TLN2: variants seen among roughly 807,000 people sequenced by gnomAD.
TLN2 encodes talin 2, also known as talin-2.
Under a neutral mutation model 294.7 loss-of-function variants are expected in TLN2, and 118 were observed. That is an observed-to-expected ratio of 0.40 (90% CI 0.34 to 0.47). TLN2 has a LOEUF of 0.47. TLN2 is among the 20% of genes least tolerant of loss of function. The probability of loss-of-function intolerance (pLI) is 0.84; values close to 1 mark genes in which losing one functional copy is unlikely to be tolerated. For missense variants in TLN2, 3,083 were observed against 3,282.2 expected, an observed-to-expected ratio of 0.94 and a Z score of 1.48; for synonymous variants, 1,431 against 1,304.5, an observed-to-expected ratio of 1.10 and a Z score of -2.09.
intron 22 of TLN2, among the ~76,000 whole-genome samples, chr15:62,715,570 A>G (rs2059711697): frequency 6.6e-6 from 1 of 152,240 alleles, no homozygotes; most frequent in Non-Finnish European, 1.5e-5. Flanking sequence ...CCATCTAAAT[A>G]AAATCCACTT....
chr15:62,698,728 C>T (rs370118582), intron 15 of TLN2, 26 bp from the exon 16 acceptor site: 18 of 1,591,820 alleles, frequency 1.1e-5, no homozygotes, highest in Middle Eastern at 3.5e-4. Context: ...TGTGGGATGA[C>T]AGCTTTGTTT....
rs191855225 is a variant in TLN2 at position 62,405,986 on chromosome 15, G to C, written c.-238+15301G>C. Among the ~76,000 whole-genome samples the C allele has an allele frequency of 6.4e-4, 98 of 152,270 alleles. 1 individual carries two copies. The highest frequency in any genetic ancestry group is 1.2e-3 in the Non-Finnish European group (85 of 68,026). ...AGAAGTTGTTTAGATGGAGCTTTATGAATGTGCCTGGTGAAGGGCCTAGAG... is the reference window on the plus strand; with the variant it reads ...AGAAGTTGTTTAGATGGAGCTTTATCAATGTGCCTGGTGAAGGGCCTAGAG... On this transcript the variant is annotated intron_variant, in intron 1 of 58. Transcript: ENST00000636159.
intron 51 of TLN2, 35 bp from the exon 52 acceptor site, chr15:62,809,890 C>T: frequency 6.2e-7 from 1 of 1,602,258 alleles, no homozygotes; most frequent in Non-Finnish European, 8.5e-7. Context: ...TGGCTTTTCC[C>T]ATGTTAAGAT....
chr15:62,731,066 A>G (rs1293345758), intron 28 of TLN2, among the ~76,000 whole-genome samples: 1 of 152,006 alleles, frequency 6.6e-6, no homozygotes, highest in Non-Finnish European at 1.5e-5. Context: ...AGCGGTGTCT[A>G]TTCTGCTTTC....
chr15:62,728,727 T>C (rs1474487521), intron 28 of TLN2, among the ~76,000 whole-genome samples: 1 of 152,218 alleles, frequency 6.6e-6, no homozygotes, highest in African/African-American at 2.4e-5. Flanking sequence ...GCCCATTATT[T>C]GAAAATTGGG....
Position 62,833,612 on chromosome 15 carries a change from C to CT in TLN2, c.7112dup (p.Val2372GlyfsTer39). ...ATCGGCCTCAGCAGCCCAGAGGGAGCTGGTGGCCCAAGGAAAGGTGGGTAA... is the reference window on the plus strand; with the variant it reads ...ATCGGCCTCAGCAGCCCAGAGGGAGCTTGGTGGCCCAAGGAAAGGTGGGTAA... On this transcript the variant is annotated frameshift_variant, in exon 55 of 59. Transcript: ENST00000636159. LOFTEE classifies it high-confidence loss of function. 1 of 1,613,988 alleles carries CT rather than the reference C, an allele frequency of 6.2e-7. No homozygotes were observed. The highest frequency in any genetic ancestry group is 1.1e-5 in the South Asian group (1 of 91,042).
intron 53 of TLN2, 87 bp from the exon 54 acceptor site, chr15:62,820,399 C>A: frequency 6.9e-7 from 1 of 1,456,234 alleles, no homozygotes; most frequent in Non-Finnish European, 9.2e-7. Flanking sequence ...AGCCTTCATG[C>A]ATGCAAATCC....
intron 52 of TLN2, among the ~76,000 whole-genome samples, chr15:62,816,728 C>G (rs1168290501): frequency 6.6e-6 from 1 of 152,136 alleles, no homozygotes; most frequent in Non-Finnish European, 1.5e-5. Flanking sequence ...TACCTTTAAC[C>G]CTTTGCTTAT....
intron 9 of TLN2, among the ~76,000 whole-genome samples, chr15:62,660,389 A>G (rs1012408096): frequency 1.3e-5 from 2 of 152,194 alleles, no homozygotes; most frequent in East Asian, 1.9e-4. Flanking sequence ...ATATCCATCT[A>G]CTTTATTGAT....
At chr15:62,729,686 T>C (rs1402790666) in intron 28 of TLN2, among the ~76,000 whole-genome samples, 1 of 152,156 alleles carries the variant, frequency 6.6e-6, no homozygotes, top group African/African-American at 2.4e-5. Context: ...CAGAGAGTAT[T>C]TGGTGGTGTA....
chr15:62,838,692 G>T (rs1330574602), intron 57 of TLN2, among the ~76,000 whole-genome samples, 164 bp from the exon 58 acceptor site: 1 of 148,494 alleles, frequency 6.7e-6, no homozygotes, highest in Non-Finnish European at 1.5e-5. Flanking sequence ...CAGAATCCAC[G>T]GATGGATGGA....
At chr15:62,761,544 A>G in intron 37 of TLN2, 137 bp from the exon 38 acceptor site, 1 of 1,225,244 alleles carries the variant, frequency 8.2e-7, no homozygotes, top group Non-Finnish European at 1.1e-6. Flanking sequence ...ATCAGTTCCT[A>G]TTTATTGTTT....
At chr15:62,604,524 T>TAAAAAA (rs35955277) in intron 2 of TLN2, among the ~76,000 whole-genome samples, 1 of 87,290 alleles carries the variant, frequency 1.1e-5, no homozygotes, top group Non-Finnish European at 2.2e-5. Flanking sequence ...GACCTTGTCT[T>TAAAAAA]AAAAAAAAAA....
chr15:62,663,395 C>G (rs549058516), intron 9 of TLN2, among the ~76,000 whole-genome samples: 1 of 152,048 alleles, frequency 6.6e-6, no homozygotes, highest in South Asian at 2.1e-4. Context: ...GATGCTTGCT[C>G]TCAGTGCTTC....
chr15:62,609,402 C>T (rs77776341), intron 2 of TLN2, among the ~76,000 whole-genome samples: 2,322 of 152,294 alleles, frequency 0.015, 63 homozygotes, highest in African/African-American at 0.054. Context: ...ATGTCCCAGC[C>T]ATGTCCTTTA....
At chr15:62,789,965 T>C (rs1259317231) in intron 45 of TLN2, among the ~76,000 whole-genome samples, 1 of 152,230 alleles carries the variant, frequency 6.6e-6, no homozygotes, top group Non-Finnish European at 1.5e-5. Context: ...TGGGAACCCC[T>C]TGGGGGCCAC....
chr15:62,423,505 T>C (rs1566959715), intron 1 of TLN2, among the ~76,000 whole-genome samples: 2 of 152,172 alleles, frequency 1.3e-5, no homozygotes, highest in African/African-American at 2.4e-5. Context: ...CGTGAACATA[T>C]GGTCACCCGA....
At chr15:62,665,633 A>G (rs989743932) in intron 9 of TLN2, among the ~76,000 whole-genome samples, 2 of 152,180 alleles carry the variant, frequency 1.3e-5, no homozygotes, top group Non-Finnish European at 2.9e-5. Flanking sequence ...CTGAGAAAAC[A>G]AAGCAACCCA....
chr15:62,831,088 G>A (rs956952046), intron 54 of TLN2: 2 of 150,492 alleles, frequency 1.3e-5, no homozygotes, highest in Non-Finnish European at 2.9e-5. Context: ...GGAGAGGCTC[G>A]TAAAATCAGT....
Sources: gnomAD v4.1 joint callset for allele counts (sites outside exome capture counted in the v4.1 genomes callset) on GRCh38, gnomAD v4.1.1 for gene constraint, MANE v1.5 for transcripts, NCBI Gene and HGNC (gene_info 2026-07-23, HGNC 2026-07-21) for gene names.